PREX2: variants seen among roughly 807,000 people sequenced by gnomAD.
PREX2 encodes phosphatidylinositol-3,4,5-trisphosphate dependent Rac exchange factor 2, also known as phosphatidylinositol 3,4,5-trisphosphate-dependent Rac exchanger 2 protein.
A neutral mutation model predicts 203.2 loss-of-function variants in PREX2; 107 were observed. The ratio of observed to expected loss-of-function variants is 0.53; its 90% CI spans 0.45 to 0.62. The LOEUF is 0.62. PREX2 is among the 20% of genes least tolerant of loss of function. The pLI is 0.00. For missense variants in PREX2, 1,777 were observed against 1,955.9 expected (o/e 0.91, Z 1.72); for synonymous variants, 672 against 663.6 (o/e 1.01, Z -0.19).
At chr8:68,009,069 T>A (rs10093137) in intron 1 of PREX2, among the ~76,000 whole-genome samples, 7,320 of 152,198 alleles carry the variant, frequency 0.048, 240 homozygotes, top group Middle Eastern at 0.078. Flanking sequence ...GCACAGTGAG[T>A]TAGATCAGAG....
Position 68,224,594 on chromosome 8 carries a change from A to G in PREX2, c.4743A>G (p.Gly1581=), listed in dbSNP as rs117002416. ...TTCAGAACACAGCGAAGAATTTGGG[A>G]GTCAGAGACCGGACTCCACAGTCTG... ...ARVQNTAKNL[G]VRDRTPQSAP... is the part of the protein sequence containing the mutation. The change falls in exon 39 of 40, where the codon GGA becomes GGG. Residue 1581 remains glycine, a synonymous_variant. Transcript: ENST00000288368. 587 of 1,613,820 alleles carry G rather than the reference A, an allele frequency of 3.6e-4. No homozygotes were observed. The highest frequency in any genetic ancestry group is 4.8e-4 in the Non-Finnish European group (561 of 1,179,848).
At position 67,972,779 on chromosome 8, in the gene PREX2, G is replaced by C. The variant is rs553520516; in HGVS notation, c.141+20244G>C. On this transcript the variant is annotated intron_variant, in intron 1 of 39. Coordinates refer to ENST00000288368, the MANE Select transcript of PREX2 (RefSeq NM_024870.4). ...TCCAGTAAGCTTATCAACTGACCAT[G>C]GCCTCTGCAATTACCTTTACATAAA... Among the ~76,000 whole-genome samples, 4 of 152,082 alleles carry C rather than the reference G, an allele frequency of 2.6e-5. No homozygotes were observed. The South Asian group carries it at 6.2e-4, about 24-fold the overall frequency.
chr8:68,022,232 G>C lies in PREX2; in HGVS notation c.441+92G>C. On this transcript the variant is annotated intron_variant, in intron 4 of 39. Coordinates refer to ENST00000288368, the MANE Select transcript of PREX2 (RefSeq NM_024870.4). Reference sequence around the variant, plus strand: ...TAGCATCAATATGGAGTAAAAATCTGTGGGATACCTCTGTTAGCATCCCCA... The same window carrying C: ...TAGCATCAATATGGAGTAAAAATCTCTGGGATACCTCTGTTAGCATCCCCA... 1.7e-5 allele frequency: 12 copies of C among 700,894 alleles called. No individual in the cohort carries two copies. The South Asian group carries it at 1.9e-4, about 11-fold the overall frequency. The allele number at this position is 700,894 out of a possible 1,614,324, so 43.4% of individuals were successfully genotyped here.
At position 68,093,690 on chromosome 8, in the gene PREX2, A is replaced by T; in HGVS notation, c.2336A>T (p.Glu779Val). The change falls in exon 21 of 40, where the codon GAA becomes GTA. Residue 779 changes from glutamate to valine, a missense_variant. Transcript: ENST00000288368. ...TCTCACTCCAAGCCCCCTGGAGATG[A>T]AGCAGGGGATGCTTTTGACTGTAAA... ...QKSHSKPPGDEAGDAFDCKVE... is the reference protein window; with the variant it reads ...QKSHSKPPGDVAGDAFDCKVE... 1 of 1,602,988 alleles carries T rather than the reference A, an allele frequency of 6.2e-7. No individual in the cohort carries two copies. Among genetic ancestry groups the T allele is most frequent in the Non-Finnish European group, 8.5e-7 (1 of 1,170,236 alleles).
intron 20 of PREX2, 135 bp downstream of exon 20, chr8:68,090,850 CATA>C: frequency 3.4e-6 from 2 of 582,822 alleles, no homozygotes; most frequent in East Asian, 2.9e-5. Flanking sequence ...TTATAAATCT[CATA>C]ATGATTGCTT....
chr8:68,090,032 T>A (rs1047737944), intron 19 of PREX2, among the ~76,000 whole-genome samples: 31 of 152,314 alleles, frequency 2.0e-4, no homozygotes, highest in African/African-American at 7.2e-4. Context: ...CAAATTCCCA[T>A]CTTTCTGACT....
intron 32 of PREX2, among the ~76,000 whole-genome samples, chr8:68,136,261 G>GT (rs149012455): frequency 0.12 from 17,485 of 151,802 alleles, 1,253 homozygotes; most frequent in East Asian, 0.2. Flanking sequence ...AAGCGGTGTG[G>GT]TTTTTTTTCA....
At chr8:68,156,904 T>C (rs1357721558) in intron 34 of PREX2, among the ~76,000 whole-genome samples, 1 of 152,196 alleles carries the variant, frequency 6.6e-6, no homozygotes, top group African/African-American at 2.4e-5. Flanking sequence ...AAGGGAAACT[T>C]CTACTCGGTT....
intron 35 of PREX2, among the ~76,000 whole-genome samples, chr8:68,186,167 G>T (rs1471253645): frequency 6.6e-6 from 1 of 152,160 alleles, no homozygotes; most frequent in Non-Finnish European, 1.5e-5. Context: ...CCTGAAATTA[G>T]TTGTAGCCTC....
In PREX2 at chr8:68,191,731, C is replaced by G. The variant is rs758613591; in HGVS notation, c.4356C>G (p.Tyr1452Ter). The change falls in exon 36 of 40, where the codon TAC (tyrosine) becomes TAG (stop). Residue 1452 changes from tyrosine to a stop codon, truncating the protein, a stop_gained. Coordinates refer to ENST00000288368, the MANE Select transcript of PREX2 (RefSeq NM_024870.4). LOFTEE classifies it high-confidence loss of function. ...KQYNQKLRAFYLDKSNSPPNS... is the reference protein window; with the variant it reads ...KQYNQKLRAF ...TCTTGGATTCTTACAGGGCATTCTA[C>G]TTGGACAAGTCAAATTCACCACCAA... is the stretch of plus-strand genomic sequence containing the variant. 2 of 1,608,518 alleles carry G rather than the reference C, an allele frequency of 1.2e-6. No individual in the cohort carries two copies. Among genetic ancestry groups the G allele is most frequent in the Non-Finnish European group, 1.7e-6 (2 of 1,175,222 alleles).
intron 35 of PREX2, among the ~76,000 whole-genome samples, chr8:68,190,441 A>G (rs1812268609): frequency 6.6e-6 from 1 of 152,240 alleles, no homozygotes; most frequent in Non-Finnish European, 1.5e-5. Flanking sequence ...TTGTAGCAAC[A>G]TGGATGGAGC....
Position 68,108,590 on chromosome 8 carries a change from C to G in PREX2, c.2938+259C>G, listed in dbSNP as rs139318999. ...TTCCTTATGCATATGATAGGCACAG[C>G]TCATCTTGCTGTGAAAGCTGCTGAT... On this transcript the variant is annotated intron_variant, in intron 24 of 39. Coordinates refer to ENST00000288368, the MANE Select transcript of PREX2 (RefSeq NM_024870.4). Among the ~76,000 whole-genome samples the G allele has an allele frequency of 4.5e-3, 681 of 152,268 alleles. 6 individuals are homozygous for G. The highest frequency in any genetic ancestry group is 0.016 in the African/African-American group (655 of 41,546).
chr8:67,972,909 T>C (rs1187931711), intron 1 of PREX2, among the ~76,000 whole-genome samples: 1 of 152,194 alleles, frequency 6.6e-6, no homozygotes, highest in Non-Finnish European at 1.5e-5. Flanking sequence ...AAACTCAACA[T>C]GTGCAAAACT....
intron 1 of PREX2, among the ~76,000 whole-genome samples, chr8:67,967,925 C>G (rs1305381210): frequency 1.3e-5 from 2 of 151,938 alleles, no homozygotes; most frequent in Non-Finnish European, 2.9e-5. Flanking sequence ...ACACCTGAGC[C>G]TGTCGTGGGG....
At chr8:67,960,813 G>A (rs963659801) in intron 1 of PREX2, among the ~76,000 whole-genome samples, 1 of 151,970 alleles carries the variant, frequency 6.6e-6, no homozygotes, top group Non-Finnish European at 1.5e-5. Context: ...CACACTTTCA[G>A]GAATAGAAAA....
chr8:68,004,336 T>C (rs991110437), intron 1 of PREX2, among the ~76,000 whole-genome samples: 14 of 152,272 alleles, frequency 9.2e-5, no homozygotes, highest in African/African-American at 2.7e-4. Flanking sequence ...TCATCTTTGC[T>C]ATGACTATTT....
chr8:68,000,758 C>A (rs1051337469), intron 1 of PREX2, among the ~76,000 whole-genome samples: 1 of 152,024 alleles, frequency 6.6e-6, no homozygotes, highest in Non-Finnish European at 1.5e-5. Context: ...GACACATAGA[C>A]CAATGGAACA....
At chr8:68,093,000 C>T (rs994652831) in intron 20 of PREX2, among the ~76,000 whole-genome samples, 11 of 152,058 alleles carry the variant, frequency 7.2e-5, no homozygotes, top group Admixed American at 5.2e-4. Context: ...TTACGATATA[C>T]TTGAAGCATT....
intron 1 of PREX2, among the ~76,000 whole-genome samples, chr8:67,958,309 G>C (rs1805544346): frequency 6.6e-6 from 1 of 152,126 alleles, no homozygotes; most frequent in Non-Finnish European, 1.5e-5. Context: ...GGAAAGAGGT[G>C]ATGATAGAGC....
Sources: gnomAD v4.1 joint callset for allele counts (sites outside exome capture counted in the v4.1 genomes callset) on GRCh38, gnomAD v4.1.1 for gene constraint, MANE v1.5 for transcripts, NCBI Gene and HGNC (gene_info 2026-07-23, HGNC 2026-07-21) for gene names.